The following SALL1 variants were observed in gnomAD, a reference collection of about 807,000 sequenced individuals.
SALL1 encodes the protein spalt like transcription factor 1.
SALL1 carries 10 observed loss-of-function variants against 73.1 expected under a neutral mutation model. The ratio of observed to expected loss-of-function variants is 0.14; its 90% confidence interval spans 0.08 to 0.23. SALL1 has a LOEUF of 0.23. Among genes scored for constraint, SALL1 ranks in the 10% least tolerant of loss-of-function variants. The pLI, the probability that SALL1 is intolerant of heterozygous loss-of-function variation, is 1.00. For synonymous variants in SALL1, 688 were observed against 689.8 expected (o/e 1.00, Z 0.04); for missense variants, 1,520 against 1,697.3 (o/e 0.90, Z 1.84).
intron 2 of SALL1, 22 bp downstream of exon 2, chr16:51,138,666 T>C (rs1334819398): frequency 6.2e-7 from 1 of 1,600,728 alleles, no homozygotes; most frequent in Non-Finnish European, 8.5e-7. Flanking sequence ...GGAGCAGGTA[T>C]GGTGCAGAGA....
In SALL1 at chr16:51,140,737, G is replaced by A. The variant is rs1279763997; in HGVS notation, c.1485C>T (p.His495=). ...RFSTKGNLKV[H]FQRHKEKYPH... is the part of the protein sequence containing the mutation. ...GGTATTTCTCTTTGTGGCGCTGAAA[G>A]TGGACTTTCAGATTCCCCTTGGTGG... The change falls in exon 2 of 3, where the codon CAC becomes CAT. Residue 495 remains histidine (H), a synonymous_variant. Coordinates refer to ENST00000251020, the MANE Select transcript of SALL1 (RefSeq NM_002968.3). This position sits in a 1 kb window ranked among gnomAD's most constrained non-coding sequence, Gnocchi z 5.7. 30 of 1,614,098 alleles carry A rather than the reference G, an allele frequency of 1.9e-5. No homozygotes were observed. Among genetic ancestry groups the A allele is most frequent in the Non-Finnish European group, 2.4e-5 (28 of 1,180,046 alleles).
chr16:51,140,498 G>A lies in SALL1; in HGVS notation c.1724C>T (p.Pro575Leu). 6.2e-7 allele frequency: 1 copy of A among 1,613,992 alleles called. No individual in the cohort carries two copies. The highest frequency in any genetic ancestry group is 8.5e-7 in the Non-Finnish European group (1 of 1,179,948). Reference sequence around the variant, plus strand: ...AGAATGGCTGATGGGGATGGGGGCTGGCTCTTCCGTCTTGATGAAGGGTAT... The same window carrying A: ...AGAATGGCTGATGGGGATGGGGGCTAGCTCTTCCGTCTTGATGAAGGGTAT... ...SLIPFIKTEE[P>L]APIPISHSAT... Residue 575 changes from proline (P) to leucine (L), a missense_variant, in exon 2 of 3, where the codon CCA (proline) becomes CTA (leucine). Coordinates refer to ENST00000251020, the MANE Select transcript of SALL1 (RefSeq NM_002968.3). This position sits in a 1 kb window ranked among gnomAD's most constrained non-coding sequence, Gnocchi z 5.7.
chr16:51,145,294 ATCTC>A (rs912692181), intron 1 of SALL1, among the ~76,000 whole-genome samples: 2 of 151,958 alleles, frequency 1.3e-5, no homozygotes, highest in African/African-American at 2.4e-5. Flanking sequence ...GCTATCTTGT[ATCTC>A]TCTCAGTAAT....
chr16:51,136,028 A>T lies in SALL1; in HGVS notation c.*1084T>A, dbSNP rs2143425236. The stretch of plus-strand genomic sequence containing the variant: ...AAAAATGTATTTGATTACTTGAGTA[A>T]AATTACAGTATCTCTGTTGTTAGTA... On this transcript the variant is annotated 3_prime_UTR_variant, in exon 3 of 3. Transcript: ENST00000251020. 1 of 152,778 alleles carries T rather than the reference A, an allele frequency of 6.5e-6. No individual in the cohort carries two copies. The highest frequency in any genetic ancestry group is 2.4e-5 in the African/African-American group (1 of 41,574). The allele number at this position is 152,778 out of a possible 1,614,324, so 9.5% of individuals were successfully genotyped here. A position where few individuals can be genotyped will look rare whatever the true frequency, so the allele number is the denominator to read the frequency against.
intron 2 of SALL1, 105 bp from the exon 3 acceptor site, chr16:51,137,657 A>C: frequency 1.2e-6 from 1 of 861,194 alleles, no homozygotes; most frequent in South Asian, 1.6e-5. Context: ...CATATCCCAA[A>C]TGTCCACAAA....
Position 51,137,350 on chromosome 16 carries a change from G to C in SALL1, c.3737C>G (p.Ala1246Gly). Residue 1246 changes from alanine (A) to glycine (G), a missense_variant, in exon 3 of 3, where the codon GCG becomes GGG. Ala to Gly is a moderately conservative substitution (Grantham distance 60). This residue lies in a region of SALL1 where 318 missense variants were observed against 357.1 expected (regional missense o/e 0.89). Transcript: ENST00000251020. Reference sequence around the variant, plus strand: ...GACGGAGATCTCGTTGGCCTTCATCGCCAGCCCGTTGGAGAGCGCTGCTGC... The same window carrying C: ...GACGGAGATCTCGTTGGCCTTCATCCCCAGCCCGTTGGAGAGCGCTGCTGC... ...QYAAALSNGL[A>G]MKANEISVIQ... is the part of the protein sequence containing the mutation. The C allele has an allele frequency of 6.2e-7, 1 of 1,614,044 alleles. No individual in the cohort carries two copies. Among genetic ancestry groups the C allele is most frequent in the Non-Finnish European group, 8.5e-7 (1 of 1,179,994 alleles).
chr16:51,145,796 C>T (rs889777651), intron 1 of SALL1, among the ~76,000 whole-genome samples: 1 of 152,144 alleles, frequency 6.6e-6, no homozygotes, highest in Non-Finnish European at 1.5e-5. Context: ...AATGCAACCA[C>T]CTTACTCTAC....
rs765934011 is a variant in SALL1, at chr16:51,141,274, T to C, written c.948A>G (p.Leu316=). 1 of 1,614,002 alleles carries C rather than the reference T, an allele frequency of 6.2e-7. No individual in the cohort carries two copies. The highest frequency in any genetic ancestry group is 2.2e-5 in the East Asian group (1 of 44,868). ...TGCTCTGAGGTAGCTGGATTGGGGG[T>C]AGCTGTTTCACACCACTAATGCTGG... The part of the protein sequence containing the change: ...QSASISGVKQ[L]PPIQLPQSSS... Residue 316 remains leucine, a synonymous_variant, in exon 2 of 3, where the codon CTA becomes CTG. Transcript: ENST00000251020. The surrounding 1 kb of genome is among the most constrained non-coding windows in gnomAD (Gnocchi z 5.4).
intron 1 of SALL1, 102 bp downstream of exon 1, chr16:51,151,064 G>A: frequency 1.4e-6 from 1 of 691,082 alleles, no homozygotes; most frequent in Non-Finnish European, 2.2e-6. Flanking sequence ...CGCGGCGGCG[G>A]TGAGGTAGGG....
intron 1 of SALL1, chr16:51,143,416 G>GT (rs1555475607): frequency 8.1e-6 from 2 of 247,874 alleles, no homozygotes; most frequent in Non-Finnish European, 1.7e-5. Flanking sequence ...AGGCTGTGAA[G>GT]AAAAAAAAAA....
chr16:51,137,728 C>A (rs1029808745), intron 2 of SALL1, among the ~76,000 whole-genome samples, 176 bp from the exon 3 acceptor site: 5 of 152,216 alleles, frequency 3.3e-5, no homozygotes, highest in Non-Finnish European at 5.9e-5. Flanking sequence ...CAGGAACCAT[C>A]CATTCCTCCT....
Position 51,138,997 on chromosome 16 carries a change from C to T in SALL1, c.3225G>A (p.Val1075=). Residue 1075 remains valine, a synonymous_variant, in exon 2 of 3, where the codon GTG becomes GTA. Transcript: ENST00000251020. ...GAGATGACAACGAGTTGGCGGGAAT[C>T]ACCGCTGAGTTCTGATTGGGGCCAA... is the stretch of plus-strand genomic sequence containing the variant. ...SNLGPNQNSA[V]IPANSLSSLI... is the part of the protein sequence containing the mutation. 6.2e-7 allele frequency: 1 copy of T among 1,614,188 alleles called. No individual in the cohort carries two copies. The highest frequency in any genetic ancestry group is 1.1e-5 in the South Asian group (1 of 91,082).
At chr16:51,150,387 G>A (rs1399963974) in intron 1 of SALL1, 14 of 985,392 alleles carry the variant, frequency 1.4e-5, no homozygotes, top group Non-Finnish European at 1.7e-5. Context: ...CGACCAGAAA[G>A]ATTTTGGGGG....
At position 51,136,144 on chromosome 16, in the gene SALL1, T is replaced by G. The variant is rs918829691; in HGVS notation, c.*968A>C. 1.4e-4 allele frequency: 22 copies of G among 152,634 alleles called. No homozygotes were observed. Among genetic ancestry groups the G allele is most frequent in the African/African-American group, 5.3e-4 (22 of 41,442 alleles). 9.5% of individuals were successfully genotyped at this position (152,634 alleles called of 1,614,324 possible). On this transcript the variant is annotated 3_prime_UTR_variant, in exon 3 of 3. Transcript: ENST00000251020. ...CAGTCCAATTTTTTTCTTCCATACCTAAGACAAAATAAACAAACACTATAC... is the reference window on the plus strand; with the variant it reads ...CAGTCCAATTTTTTTCTTCCATACCGAAGACAAAATAAACAAACACTATAC...
chr16:51,144,005 T>C (rs1962481098), intron 1 of SALL1, among the ~76,000 whole-genome samples: 1 of 132,406 alleles, frequency 7.6e-6, no homozygotes, highest in African/African-American at 2.9e-5. Flanking sequence ...ACATGGAAGG[T>C]GCTGTTTTAA....
intron 1 of SALL1, 114 bp downstream of exon 1, chr16:51,151,052 G>T (rs1024271792): frequency 3.4e-6 from 2 of 583,526 alleles, no homozygotes; most frequent in African/African-American, 3.8e-5. Context: ...AGCAATCGGG[G>T]CCGCGGCGGC....
chr16:51,143,663 G>C (rs1962476388), intron 1 of SALL1, among the ~76,000 whole-genome samples: 1 of 152,150 alleles, frequency 6.6e-6, no homozygotes, highest in Admixed American at 6.5e-5. Flanking sequence ...AACTTGACTA[G>C]TTTTGCATTC....
At position 51,139,751 on chromosome 16, in the gene SALL1, A is replaced by T. The variant is rs751674337; in HGVS notation, c.2471T>A (p.Phe824Tyr). 24 of 1,614,042 alleles carry T rather than the reference A, an allele frequency of 1.5e-5. No individual in the cohort carries two copies. The highest frequency in any genetic ancestry group is 7.7e-5 in the South Asian group (7 of 91,084). Residue 824 changes from phenylalanine (F) to tyrosine (Y), a missense_variant, in exon 2 of 3, where the codon TTC (phenylalanine) becomes TAC (tyrosine). Phe to Tyr is a conservative substitution (Grantham distance 22). This residue lies in a region of SALL1 where 266 missense variants were observed against 275.1 expected (regional missense o/e 0.97). Transcript: ENST00000251020. ...DEKNFDDLDN[F>Y]SDENMEDCPE... is the part of the protein sequence containing the mutation. ...ACAGTCTTCCATGTTTTCATCAGAGAAGTTGTCTAGGTCATCAAAATTTTT... is the reference window on the plus strand; with the variant it reads ...ACAGTCTTCCATGTTTTCATCAGAGTAGTTGTCTAGGTCATCAAAATTTTT...
chr16:51,147,613 T>G (rs1270765242), intron 1 of SALL1, among the ~76,000 whole-genome samples: 1 of 152,214 alleles, frequency 6.6e-6, no homozygotes, highest in Admixed American at 6.5e-5. Flanking sequence ...CTTCATATGA[T>G]TGTTAGTGTT....
Sources: gnomAD v4.1 joint callset for allele counts (sites outside exome capture counted in the v4.1 genomes callset) on GRCh38, gnomAD v4.1.1 for gene constraint, gnomAD v4.1.1 regional missense constraint, Gnocchi (gnomAD v3.1) non-coding constraint, MANE v1.5 for transcripts, NCBI Gene and HGNC (gene_info 2026-07-23, HGNC 2026-07-21) for gene names.